The following RYR2 variants were observed in gnomAD, a reference collection of about 807,000 sequenced individuals.
RYR2 encodes ryanodine receptor 2, also known as cardiac muscle ryanodine receptor-calcium release channel.
In RYR2, 227 loss-of-function variants were observed where a neutral mutation model predicts 601.1. That is an observed-to-expected ratio of 0.38 (90% CI 0.34 to 0.42). RYR2 has a LOEUF of 0.42. RYR2 is among the 10% of genes least tolerant of loss of function. The pLI is 1.00. For synonymous variants in RYR2, 2,223 were observed against 2,175.1 expected, an observed-to-expected ratio of 1.02 and a Z score of -0.61; for missense variants, 4,646 against 6,156.5, an observed-to-expected ratio of 0.75 and a Z score of 8.21.
chr1:237,631,652 A>G (rs1417673086), intron 42 of RYR2, 111 bp downstream of exon 42: 16 of 464,138 alleles, frequency 3.4e-5, no homozygotes, highest in Admixed American at 7.4e-5. Flanking sequence ...TTTTGGAGAC[A>G]GAGGCTCACT....
intron 48 of RYR2, among the ~76,000 whole-genome samples, chr1:237,647,665 A>G (rs1339987427): frequency 1.3e-5 from 2 of 152,238 alleles, no homozygotes; most frequent in African/African-American, 4.8e-5. Context: ...TGTTGTATCC[A>G]TATGAAAATT....
chr1:237,782,105 A>G (rs1189564828), intron 89 of RYR2, among the ~76,000 whole-genome samples: 2 of 148,398 alleles, frequency 1.3e-5, no homozygotes, highest in African/African-American at 2.5e-5. Flanking sequence ...TGGCAGTGGT[A>G]GTCTTGTTCT....
chr1:237,445,274 C>T (rs1708230924), intron 13 of RYR2, 127 bp from the exon 14 acceptor site: 4 of 1,117,464 alleles, frequency 3.6e-6, no homozygotes, highest in Non-Finnish European at 3.9e-6. Context: ...AACAGCTTCA[C>T]AGTCCCCTGT....
At chr1:237,364,411 C>T in intron 5 of RYR2, 39 bp downstream of exon 5, 1 of 1,153,106 alleles carries the variant, frequency 8.7e-7, no homozygotes, top group Non-Finnish European at 1.2e-6. Flanking sequence ...ATATATATAG[C>T]AGATATATTA....
chr1:237,157,394 C>T (rs998336825), intron 1 of RYR2, among the ~76,000 whole-genome samples: 3 of 150,684 alleles, frequency 2.0e-5, no homozygotes, highest in Non-Finnish European at 4.4e-5. Flanking sequence ...AAGTAAATAT[C>T]CAAAACAACA....
intron 1 of RYR2, among the ~76,000 whole-genome samples, chr1:237,166,299 A>G (rs1676706374): frequency 6.6e-6 from 1 of 152,022 alleles, no homozygotes; most frequent in African/African-American, 2.4e-5. Flanking sequence ...AATATTAGAC[A>G]GCACCAGCAA....
intron 2 of RYR2, among the ~76,000 whole-genome samples, chr1:237,323,290 C>G (rs932043923): frequency 6.6e-6 from 1 of 152,050 alleles, no homozygotes; most frequent in Admixed American, 6.6e-5. Flanking sequence ...ATATGACTTT[C>G]AAGATACATA....
chr1:237,441,488 G>A lies in RYR2; in HGVS notation c.1170+5G>A. Reference sequence around the variant, plus strand: ...ATGGGATCTATACAACGTAAGGTAAGGTGATAGAAAAAAACATAATTTATA... The same window carrying A: ...ATGGGATCTATACAACGTAAGGTAAAGTGATAGAAAAAAACATAATTTATA... On this transcript the variant is annotated splice_donor_5th_base_variant and intron_variant, in intron 13 of 104. Transcript: ENST00000366574. The A allele has an allele frequency of 1.4e-6, 2 of 1,453,676 alleles. No homozygotes were observed. The highest frequency in any genetic ancestry group is 1.6e-5 in the South Asian group (1 of 60,948). The allele number at this position is 1,453,676 out of a possible 1,614,324, so 90.0% of individuals were successfully genotyped here. A position where few individuals can be genotyped will look rare whatever the true frequency, so the allele number is the denominator to read the frequency against.
chr1:237,804,747 G>A (rs752261189), intron 98 of RYR2, among the ~76,000 whole-genome samples: 15 of 152,270 alleles, frequency 9.9e-5, no homozygotes, highest in Non-Finnish European at 1.6e-4. Flanking sequence ...TGTGGCTCAC[G>A]TAAAGTGAGA....
chr1:237,223,080 A>C lies in RYR2; in HGVS notation c.49-47417A>C, dbSNP rs189707405. Among the ~76,000 whole-genome samples, 296 of 152,338 alleles carry C rather than the reference A, an allele frequency of 1.9e-3. 5 individuals are homozygous for C. The East Asian group carries it at 0.031, about 16-fold the overall frequency. On this transcript the variant is annotated intron_variant, in intron 1 of 104. Coordinates refer to ENST00000366574, the MANE Select transcript of RYR2 (RefSeq NM_001035.3). ...GTGAAACTCCGTCTCAAAACAAAAC[A>C]AAACAACAACAAAACAACCGCTGTA...
chr1:237,702,018 C>A lies in RYR2; in HGVS notation c.9408C>A (p.Ser3136Arg). The A allele has an allele frequency of 6.2e-7, 1 of 1,608,550 alleles. No individual in the cohort carries two copies. The highest frequency in any genetic ancestry group is 8.5e-7 in the Non-Finnish European group (1 of 1,175,252). Residue 3136 changes from serine (S) to arginine (R), a missense_variant, in exon 66 of 105, where the codon AGC becomes AGA. Around this residue, in one of 17 missense-constraint regions of RYR2, gnomAD observed 1,497 missense variants for 1,842.6 expected, o/e 0.81. Transcript: ENST00000366574. ...VQVSCYRILTSLYALGTSKSI... is the reference protein window; with the variant it reads ...VQVSCYRILTRLYALGTSKSI... ...TGTCTTGTTATAGAATTCTGACTAGCTTATATGCTTTGGGAACCAGCAAGA... is the reference window on the plus strand; with the variant it reads ...TGTCTTGTTATAGAATTCTGACTAGATTATATGCTTTGGGAACCAGCAAGA...
chr1:237,629,831 T>C (rs1042535313), intron 41 of RYR2, among the ~76,000 whole-genome samples: 18 of 152,178 alleles, frequency 1.2e-4, no homozygotes, highest in Admixed American at 1.2e-3. Context: ...ACCTATTAAG[T>C]ATTTAAAATT....
At chr1:237,295,779 G>A (rs1019485765) in intron 2 of RYR2, among the ~76,000 whole-genome samples, 3 of 152,262 alleles carry the variant, frequency 2.0e-5, no homozygotes, top group African/African-American at 4.8e-5. Context: ...TACAGGTTTA[G>A]TGTATATTTA....
chr1:237,436,121 G>A (rs1707326440), intron 12 of RYR2, among the ~76,000 whole-genome samples: 1 of 151,996 alleles, frequency 6.6e-6, no homozygotes, highest in Non-Finnish European at 1.5e-5. Flanking sequence ...CATCCACCTT[G>A]GATAATCTCT....
At chr1:237,370,940 A>G (rs1028540894) in intron 6 of RYR2, among the ~76,000 whole-genome samples, 7 of 152,148 alleles carry the variant, frequency 4.6e-5, no homozygotes, top group East Asian at 3.9e-4. Context: ...GATTACAGGC[A>G]TGAGCCACCG....
rs111665448 is a variant in RYR2, at chr1:237,792,584, G to A, written c.13782+261G>A. Among the ~76,000 whole-genome samples the A allele has an allele frequency of 0.02, 3,090 of 152,178 alleles. 109 individuals carry two copies. Among genetic ancestry groups the A allele is most frequent in the African/African-American group, 0.07 (2,888 of 41,514 alleles). ...ACTGTAGACAGACACAGCAGGTGCC[G>A]TCTCCAAAGCTGGGATGCCCCTTCA... is the stretch of plus-strand genomic sequence containing the variant. On this transcript the variant is annotated intron_variant, in intron 94 of 104. Transcript: ENST00000366574.
intron 84 of RYR2, among the ~76,000 whole-genome samples, chr1:237,769,679 C>G (rs921029327): frequency 1.3e-5 from 2 of 151,496 alleles, no homozygotes; most frequent in African/African-American, 4.8e-5. Flanking sequence ...AGTAAACATA[C>G]GATCATTGCC....
rs1388675043 is a variant in RYR2, at chr1:237,628,075, A to G, written c.6435A>G (p.Gly2145=). Residue 2145 remains glycine (G), a synonymous_variant, in exon 41 of 105, where the codon GGA becomes GGG. Coordinates refer to ENST00000366574, the MANE Select transcript of RYR2 (RefSeq NM_001035.3). ...GKEEEKLMIR[G]LGDIMNNKVF... ...AAGAAGAGAAGCTCATGATTCGTGG[A>G]TTAGGGTAAATTATTTAACTACTAC... The G allele has an allele frequency of 1.2e-6, 2 of 1,613,168 alleles. No homozygotes were observed. The highest frequency in any genetic ancestry group is 1.7e-5 in the Admixed American group (1 of 59,998).
chr1:237,654,556 C>T, intron 52 of RYR2, 142 bp downstream of exon 52: 1 of 781,784 alleles, frequency 1.3e-6, no homozygotes, highest in Non-Finnish European at 1.9e-6. Flanking sequence ...TTCTCAACTT[C>T]ATAACAAATG....
Sources: allele counts gnomAD v4.1 joint callset (sites outside exome capture counted in the v4.1 genomes callset), GRCh38; gene constraint gnomAD v4.1.1; regional missense constraint gnomAD v4.1.1; transcripts MANE v1.5; gene names NCBI Gene and HGNC (gene_info 2026-07-23, HGNC 2026-07-21).